PABPC4L: variants seen among roughly 807,000 people sequenced by gnomAD.
PABPC4L encodes the protein polyadenylate-binding protein 4-like.
For missense variants in PABPC4L, 452 were observed against 451.4 expected (o/e 1.00, Z -0.01); for synonymous variants, 169 against 164.1 (o/e 1.03, Z -0.23).
chr4:133,970,801 C>T, the PABPC4L span, among the ~76,000 whole-genome samples: 2 of 152,106 alleles, frequency 1.3e-5, no homozygotes, highest in South Asian at 2.1e-4. Context: ...AACTCTCTCA[C>T]CCCTTCTGCT....
At chr4:134,003,279 C>T in the PABPC4L span, among the ~76,000 whole-genome samples, 370 of 152,040 alleles carry the variant, frequency 2.4e-3, 3 homozygotes, top group African/African-American at 8.6e-3. Flanking sequence ...CCATTAGAAA[C>T]ACTTACATTT....
the PABPC4L span, among the ~76,000 whole-genome samples, chr4:134,063,292 TC>T: frequency 2.0e-5 from 3 of 151,950 alleles, no homozygotes; most frequent in Non-Finnish European, 2.9e-5. Context: ...AAATTTAGAT[TC>T]CAGAGCCTGG....
chr4:134,189,613 C>T, the PABPC4L span, among the ~76,000 whole-genome samples: 3 of 151,872 alleles, frequency 2.0e-5, no homozygotes, highest in Non-Finnish European at 4.4e-5. Context: ...GTAAAAAGAA[C>T]TGTGGTACCT....
chr4:134,062,372 G>A, the PABPC4L span, among the ~76,000 whole-genome samples: 2 of 151,868 alleles, frequency 1.3e-5, no homozygotes, highest in Non-Finnish European at 2.9e-5. Context: ...TTTCTAAACT[G>A]ACCTGCCAAA....
At chr4:134,057,731 C>T in the PABPC4L span, among the ~76,000 whole-genome samples, 1 of 151,978 alleles carries the variant, frequency 6.6e-6, no homozygotes, top group South Asian at 2.1e-4. Flanking sequence ...TCCAAGCTGG[C>T]AATATATGAG....
the PABPC4L span, among the ~76,000 whole-genome samples, chr4:134,016,824 C>T: frequency 6.6e-6 from 1 of 152,138 alleles, no homozygotes; most frequent in African/African-American, 2.4e-5. Flanking sequence ...TATTCTACTA[C>T]CCCTCAGGGA....
At chr4:134,142,306 A>G in the PABPC4L span, among the ~76,000 whole-genome samples, 2 of 151,686 alleles carry the variant, frequency 1.3e-5, no homozygotes, top group Admixed American at 6.6e-5. Context: ...AGATGACTGT[A>G]TCAGAATAAA....
chr4:133,983,438 T>C, the PABPC4L span, among the ~76,000 whole-genome samples: 1 of 151,788 alleles, frequency 6.6e-6, no homozygotes, highest in South Asian at 2.1e-4. Flanking sequence ...AAAACACAGA[T>C]TGACAGAATA....
the PABPC4L span, among the ~76,000 whole-genome samples, chr4:133,998,736 G>GT: frequency 6.0e-5 from 9 of 150,878 alleles, no homozygotes; most frequent in African/African-American, 2.2e-4. Flanking sequence ...TGATAATTAT[G>GT]GTTTTTTTTT....
the PABPC4L span, among the ~76,000 whole-genome samples, chr4:134,154,027 G>C: frequency 2.6e-5 from 4 of 151,612 alleles, no homozygotes; most frequent in African/African-American, 7.3e-5. Context: ...AATGAAACGC[G>C]TCCCTAAAGG....
At chr4:134,024,316 G>A in the PABPC4L span, among the ~76,000 whole-genome samples, 1 of 151,978 alleles carries the variant, frequency 6.6e-6, no homozygotes, top group African/African-American at 2.4e-5. Context: ...CTACTTGGGC[G>A]CCATAACAAA....
chr4:133,959,736 A>G, the PABPC4L span, among the ~76,000 whole-genome samples: 1 of 152,228 alleles, frequency 6.6e-6, no homozygotes, highest in Non-Finnish European at 1.5e-5. Flanking sequence ...AGCTGAACAT[A>G]AAGTCTTAAA....
chr4:134,100,869 T>G, the PABPC4L span, among the ~76,000 whole-genome samples: 1 of 151,576 alleles, frequency 6.6e-6, no homozygotes, highest in African/African-American at 2.4e-5. Flanking sequence ...TTAAGGAAGA[T>G]AAAACCTTAT....
chr4:133,982,471 T>G, the PABPC4L span, among the ~76,000 whole-genome samples: 1 of 152,060 alleles, frequency 6.6e-6, no homozygotes, highest in Non-Finnish European at 1.5e-5. Flanking sequence ...ACTTGAAATC[T>G]AATTAAGCCT....
In PABPC4L at chr4:134,199,660, T is replaced by C. The variant is rs1361803387; in HGVS notation, c.*247A>G. ...CTATTTATACTTATTGCTATGAACA[T>C]ATCAAAATAAGAAAAATGTGCAATA... On this transcript the variant is annotated 3_prime_UTR_variant, in exon 2 of 2. Coordinates refer to ENST00000421491, the MANE Select transcript of PABPC4L (RefSeq NM_001114734.2). The C allele has an allele frequency of 2.1e-6, 1 of 472,426 alleles. No homozygotes were observed. Among genetic ancestry groups the C allele is most frequent in the African/African-American group, 2.0e-5 (1 of 50,470 alleles). 29.3% of individuals were successfully genotyped at this position (472,426 alleles called of 1,614,324 possible). A position where few individuals can be genotyped will look rare whatever the true frequency, so the allele number is the denominator to read the frequency against.
the PABPC4L span, among the ~76,000 whole-genome samples, chr4:134,020,873 A>C: frequency 6.6e-6 from 1 of 152,146 alleles, no homozygotes; most frequent in African/African-American, 2.4e-5. Context: ...ACTACTTAGG[A>C]TATTGCTATT....
At chr4:134,143,727 T>C in the PABPC4L span, among the ~76,000 whole-genome samples, 1 of 151,380 alleles carries the variant, frequency 6.6e-6, no homozygotes, top group Non-Finnish European at 1.5e-5. Context: ...ATCACCTAAA[T>C]TATAAGAAAA....
chr4:134,071,355 A>T, the PABPC4L span, among the ~76,000 whole-genome samples: 1 of 152,116 alleles, frequency 6.6e-6, no homozygotes, highest in Non-Finnish European at 1.5e-5. Context: ...TCTTGGTGGT[A>T]GATGTTCCTT....
chr4:134,169,988 AGTAACT>A, the PABPC4L span, among the ~76,000 whole-genome samples: 1 of 152,162 alleles, frequency 6.6e-6, no homozygotes, highest in African/African-American at 2.4e-5. Context: ...TAATAAGCAC[AGTAACT>A]GTAGTAACTG....
Sources: gnomAD v4.1 joint callset for allele counts (sites outside exome capture counted in the v4.1 genomes callset) on GRCh38, gnomAD v4.1.1 for gene constraint, MANE v1.5 for transcripts, NCBI Gene and HGNC (gene_info 2026-07-23, HGNC 2026-07-21) for gene names.